The following PRKDC variants were observed in gnomAD, a reference collection of about 807,000 sequenced individuals.
PRKDC encodes DNA-dependent protein kinase catalytic subunit.
In PRKDC, 82 loss-of-function variants were observed where a neutral mutation model predicts 486.9. The observed-to-expected ratio is 0.17, with a 90% CI of 0.14 to 0.20. The LOEUF is 0.20. Among genes scored for constraint, PRKDC ranks in the 10% least tolerant of loss-of-function variants. PRKDC has a pLI of 1.00. For synonymous variants in PRKDC, 1,895 were observed against 1,837.0 expected (o/e 1.03, Z -0.81); for missense variants, 4,504 against 5,038.2 (o/e 0.89, Z 3.21).
rs749479817 is a variant in PRKDC, at chr8:47,788,965, C to T, written c.10843G>A (p.Ala3615Thr). 1.2e-6 allele frequency: 2 copies of T among 1,613,480 alleles called. No individual in the cohort carries two copies. The highest frequency in any genetic ancestry group is 3.3e-5 in the Admixed American group (2 of 59,986). ...GGAGCCTTTGGGTCACCCAAGGCTG[C>T]ATACATTCTTTCATACATTTTTTCA... Reference protein sequence around the residue: ...NIEKMYERMYAALGDPKAPGL... With the variant: ...NIEKMYERMYTALGDPKAPGL... Residue 3615 changes from alanine (A) to threonine (T), a missense_variant, in exon 76 of 86, where the codon GCA becomes ACA. Ala to Thr is a moderately conservative substitution (Grantham distance 58). Around this residue, in one of 6 missense-constraint regions of PRKDC, gnomAD observed 706 missense variants for 945.0 expected, o/e 0.75. Coordinates refer to ENST00000314191, the MANE Select transcript of PRKDC (RefSeq NM_006904.7).
At chr8:47,830,033 T>A (rs1440269027) in intron 61 of PRKDC, among the ~76,000 whole-genome samples, 1 of 151,980 alleles carries the variant, frequency 6.6e-6, no homozygotes, top group Admixed American at 6.6e-5. Flanking sequence ...AACAATACTA[T>A]AAGGCTGCAG....
chr8:47,861,746 C>G (rs1401659864), intron 44 of PRKDC, among the ~76,000 whole-genome samples: 1 of 152,248 alleles, frequency 6.6e-6, no homozygotes, highest in Non-Finnish European at 1.5e-5. Flanking sequence ...CCAAGCAAGG[C>G]CACTGTAAGG....
intron 61 of PRKDC, among the ~76,000 whole-genome samples, chr8:47,829,091 C>CT (rs962863219): frequency 1.3e-5 from 2 of 152,172 alleles, no homozygotes; most frequent in African/African-American, 4.8e-5. Flanking sequence ...TTAAAAATTA[C>CT]TTTGTGTAAT....
chr8:47,929,902 T>C lies in PRKDC; in HGVS notation c.2003A>G (p.Lys668Arg), dbSNP rs765283259. ...ATTTCTTACTGTAATAGAAAGCAAT[T>C]TGTAGAAACCACTGATGAGGGGCAA... is the stretch of plus-strand genomic sequence containing the variant. ...TRLPLISGFY[K>R]LLSITVRNAK... The change falls in exon 18 of 86, where the codon AAA becomes AGA. Residue 668 changes from lysine (K) to arginine (R), a missense_variant. Coordinates refer to ENST00000314191, the MANE Select transcript of PRKDC (RefSeq NM_006904.7). The C allele has an allele frequency of 6.2e-6, 10 of 1,606,654 alleles. No homozygotes were observed. Among genetic ancestry groups the C allele is most frequent in the Middle Eastern group, 1.6e-4 (1 of 6,068 alleles).
chr8:47,800,644 A>T, intron 71 of PRKDC, 149 bp downstream of exon 71: 1 of 543,148 alleles, frequency 1.8e-6, no homozygotes, highest in Non-Finnish European at 2.9e-6. Flanking sequence ...AAACAAATAC[A>T]TAAATAAAAA....
chr8:47,836,152 CTTTCTGT>C lies in PRKDC; in HGVS notation c.7951+179_7951+185del, dbSNP rs45557332. Among the ~76,000 whole-genome samples, 191 of 152,332 alleles carry C rather than the reference CTTTCTGT, an allele frequency of 1.3e-3. 4 individuals are homozygous for C. The East Asian group carries it at 0.025, about 20-fold the overall frequency. ...CCAGACCCTGGCACCTGGCACTCTA[CTTTCTGT>C]TTCCATGAGTTTGACTGTTATAGGA... On this transcript the variant is annotated intron_variant, in intron 58 of 85. Transcript: ENST00000314191.
Position 47,826,653 on chromosome 8 carries a change from T to C in PRKDC, c.8783+3A>G. ...TCCCAAGAGCACCTGACCTCACACT[T>C]ACTTAGCAAGCTCCACCCATCTGAG... On this transcript the variant is annotated splice_donor_region_variant and intron_variant, in intron 63 of 85. Coordinates refer to ENST00000314191, the MANE Select transcript of PRKDC (RefSeq NM_006904.7). 6.2e-7 allele frequency: 1 copy of C among 1,605,630 alleles called. No homozygotes were observed. The highest frequency in any genetic ancestry group is 8.5e-7 in the Non-Finnish European group (1 of 1,174,342).
At chr8:47,815,841 C>T (rs190154333) in intron 68 of PRKDC, among the ~76,000 whole-genome samples, 1 of 152,280 alleles carries the variant, frequency 6.6e-6, no homozygotes, top group East Asian at 1.9e-4. Flanking sequence ...CAAAGCAGCT[C>T]CTACATTTAT....
chr8:47,886,188 C>T (rs1451126393), intron 35 of PRKDC, 41 bp from the exon 36 acceptor site: 10 of 1,484,476 alleles, frequency 6.7e-6, no homozygotes, highest in Non-Finnish European at 8.1e-6. Flanking sequence ...TGGGGCACAT[C>T]TTTGCATGGC....
chr8:47,881,289 T>C, intron 38 of PRKDC, 127 bp downstream of exon 38: 2 of 625,502 alleles, frequency 3.2e-6, no homozygotes, highest in Non-Finnish European at 5.7e-6. Flanking sequence ...GGGGGATTAC[T>C]GTGCTAGTCT....
rs1431273251 is a variant in PRKDC at position 47,778,756 on chromosome 8, C to G, written c.11623G>C (p.Glu3875Gln). The change falls in exon 82 of 86, where the codon GAA (glutamate) becomes CAA (glutamine). Residue 3875 changes from glutamate (E) to glutamine (Q), a missense_variant. Physicochemically the swap from Glu to Gln is conservative, Grantham distance 29. Coordinates refer to ENST00000314191, the MANE Select transcript of PRKDC (RefSeq NM_006904.7). ...AAGAGATCAGCAGGCACTTTACTTTCTCGTTTTCTAAAAGACGTGACTGTT... is the reference window on the plus strand; with the variant it reads ...AAGAGATCAGCAGGCACTTTACTTTGTCGTTTTCTAAAAGACGTGACTGTT... Reference protein sequence around the residue: ...TETVTSFRKRESKVPADLLKR... With the variant: ...TETVTSFRKRQSKVPADLLKR... The G allele has an allele frequency of 6.2e-7, 1 of 1,613,832 alleles. No individual in the cohort carries two copies. The highest frequency in any genetic ancestry group is 2.2e-5 in the East Asian group (1 of 44,888).
At position 47,773,545 on chromosome 8, in the gene PRKDC, C is replaced by T. The variant is rs968566471; in HGVS notation, c.*628G>A. The T allele has an allele frequency of 3.6e-5, 8 of 219,416 alleles. No individual in the cohort carries two copies. The highest frequency in any genetic ancestry group is 1.8e-4 in the South Asian group (1 of 5,414). 13.6% of individuals were successfully genotyped at this position (219,416 alleles called of 1,614,324 possible). A position where few individuals can be genotyped will look rare whatever the true frequency, so the allele number is the denominator to read the frequency against. ...AAATTTTTGCCCTCCTAAATAAAGA[C>T]GTTTCCTTCTAGAGAGCAAATCTAT... On this transcript the variant is annotated 3_prime_UTR_variant, in exon 86 of 86. Coordinates refer to ENST00000314191, the MANE Select transcript of PRKDC (RefSeq NM_006904.7).
chr8:47,776,756 A>G lies in PRKDC; in HGVS notation c.12182+88T>C, dbSNP rs533065822. 9 of 1,482,636 alleles carry G rather than the reference A, an allele frequency of 6.1e-6. No individual in the cohort carries two copies. The South Asian group carries it at 1.1e-4, about 18-fold the overall frequency. 91.8% of individuals were successfully genotyped at this position (1,482,636 alleles called of 1,614,324 possible). Reference sequence around the variant, plus strand: ...GAAGTCATGCTAACAGAGTGTCAAGAGCTCAGCACTTTGTATATATGTTGG... The same window carrying G: ...GAAGTCATGCTAACAGAGTGTCAAGGGCTCAGCACTTTGTATATATGTTGG... On this transcript the variant is annotated intron_variant, in intron 85 of 85. Coordinates refer to ENST00000314191, the MANE Select transcript of PRKDC (RefSeq NM_006904.7).
chr8:47,858,824 CAGGTAAG>C lies in PRKDC; in HGVS notation c.6345+18_6345+24del. The C allele has an allele frequency of 4.4e-6, 7 of 1,607,082 alleles. No individual in the cohort carries two copies. Among genetic ancestry groups the C allele is most frequent in the Non-Finnish European group, 6.0e-6 (7 of 1,175,620 alleles). ...ATGACACCAATGAATATAGTATTAA[CAGGTAAG>C]ATGAGTGGGAAAAGCACCTCTTCTC... On this transcript the variant is annotated intron_variant, in intron 47 of 85. Transcript: ENST00000314191.
At chr8:47,889,426 C>T (rs2089409195) in intron 32 of PRKDC, among the ~76,000 whole-genome samples, 1 of 152,224 alleles carries the variant, frequency 6.6e-6, no homozygotes, top group Non-Finnish European at 1.5e-5. Flanking sequence ...GATAAGAAAG[C>T]AGCACAGACA....
At chr8:47,807,026 A>G in intron 69 of PRKDC, 111 bp downstream of exon 69, 7 of 1,115,826 alleles carry the variant, frequency 6.3e-6, no homozygotes, top group Non-Finnish European at 8.6e-6. Flanking sequence ...AAAAAAAATA[A>G]CACCTACCAA....
At chr8:47,882,599 T>A (rs542864383) in intron 36 of PRKDC, among the ~76,000 whole-genome samples, 1 of 152,186 alleles carries the variant, frequency 6.6e-6, no homozygotes, top group East Asian at 1.9e-4. Context: ...CACACAGGTG[T>A]ACACACACAA....
intron 28 of PRKDC, among the ~76,000 whole-genome samples, chr8:47,899,233 A>T (rs762830764): frequency 6.6e-6 from 1 of 152,264 alleles, no homozygotes; most frequent in Non-Finnish European, 1.5e-5. Context: ...CCATATGGGA[A>T]ATCAAGATAA....
At position 47,904,490 on chromosome 8, in the gene PRKDC, G is replaced by A. The variant is rs8178065; in HGVS notation, c.3042+379C>T. ...GTTGGTTTCCAACTCCTGGGCTCATGCAATCTGCATGCCTCGGCCTCCCAA... is the reference window on the plus strand; with the variant it reads ...GTTGGTTTCCAACTCCTGGGCTCATACAATCTGCATGCCTCGGCCTCCCAA... On this transcript the variant is annotated intron_variant, in intron 26 of 85. Coordinates refer to ENST00000314191, the MANE Select transcript of PRKDC (RefSeq NM_006904.7). Among the ~76,000 whole-genome samples, 1,078 of 152,334 alleles carry A rather than the reference G, an allele frequency of 7.1e-3. 3 individuals carry two copies. The highest frequency in any genetic ancestry group is 0.012 in the Non-Finnish European group (815 of 68,032).
Sources: gnomAD v4.1 joint callset for allele counts (sites outside exome capture counted in the v4.1 genomes callset) on GRCh38, gnomAD v4.1.1 for gene constraint, gnomAD v4.1.1 regional missense constraint, MANE v1.5 for transcripts, NCBI Gene and HGNC (gene_info 2026-07-23, HGNC 2026-07-21) for gene names.